CASK: variants seen among roughly 807,000 people sequenced by gnomAD.
The protein encoded by CASK is calcium/calmodulin dependent serine protein kinase, also known as peripheral plasma membrane protein CASK.
In CASK, 4 loss-of-function variants were observed where a neutral mutation model predicts 82.9. The observed-to-expected ratio is 0.05, with a 90% confidence interval of 0.02 to 0.11. The LOEUF (loss-of-function observed/expected upper bound fraction) is 0.11, where lower values mean the gene tolerates loss of function less well. CASK is among the 10% of genes least tolerant of loss of function. CASK has a pLI of 1.00. For synonymous variants in CASK, 259 were observed against 253.5 expected (o/e 1.02, Z -0.20); for missense variants, 358 against 720.9 (o/e 0.50, Z 5.76).
intron 5 of CASK, among the ~76,000 whole-genome samples, chrX:41,699,078 C>G (rs1408129979): frequency 9.1e-6 from 1 of 110,216 alleles, no homozygotes; most frequent in African/African-American, 3.3e-5. Context: ...AGGCGCCCGC[C>G]ACCATGACCG....
intron 8 of CASK, among the ~76,000 whole-genome samples, chrX:41,659,076 G>C (rs2066988382): frequency 9.0e-6 from 1 of 111,065 alleles, no homozygotes; most frequent in Admixed American, 9.5e-5. Context: ...ATCCAACAGA[G>C]AGAGAACTCT....
intron 22 of CASK, among the ~76,000 whole-genome samples, chrX:41,539,083 C>T (rs1204450822): frequency 8.9e-6 from 1 of 111,835 alleles, no homozygotes; most frequent in African/African-American, 3.3e-5. Flanking sequence ...CTGACTTTCA[C>T]ACGTGATGAC....
chrX:41,680,946 G>C (rs747270905), intron 5 of CASK, among the ~76,000 whole-genome samples: 1 of 111,715 alleles, frequency 9.0e-6, no homozygotes, highest in Non-Finnish European at 1.9e-5. Context: ...TAAACCACAA[G>C]TTCAAGCTAA....
chrX:41,713,755 A>G (rs2068019266), intron 5 of CASK, among the ~76,000 whole-genome samples: 1 of 111,855 alleles, frequency 8.9e-6, no homozygotes, highest in South Asian at 3.7e-4. Flanking sequence ...AGGAAAAAGA[A>G]AGGAGAGTCA....
At chrX:41,564,558 C>G (rs781155918) in intron 16 of CASK, among the ~76,000 whole-genome samples, 2 of 111,241 alleles carry the variant, frequency 1.8e-5, no homozygotes, top group Admixed American at 1.9e-4. Flanking sequence ...AAGAATAGGA[C>G]GGGATGTCTA....
rs1179270481 is a variant in CASK at position 41,626,719 on chromosome X, G to A, written c.916-16C>T. 1.0e-6 allele frequency: 1 copy of A among 986,669 alleles called. No homozygotes were observed. The highest frequency in any genetic ancestry group is 1.4e-6 in the Non-Finnish European group (1 of 691,524). The allele number at this position is 986,669 out of a possible 1,213,427, so 81.3% of individuals were successfully genotyped here. ...GTACTGCACCCTAAAACAAAGAGAT[G>A]AAAAAATAGATTATTAAAACAAATA... On this transcript the variant is annotated splice_polypyrimidine_tract_variant and intron_variant, in intron 9 of 26. Transcript: ENST00000378163.
At chrX:41,726,823 G>A (rs756833960) in intron 5 of CASK, 8 of 288,479 alleles carry the variant, frequency 2.8e-5, no homozygotes, top group African/African-American at 1.4e-4. Context: ...TATTTCAACC[G>A]GACAATCGTG....
chrX:41,542,302 C>T (rs761295361), intron 22 of CASK, among the ~76,000 whole-genome samples: 1 of 112,583 alleles, frequency 8.9e-6, no homozygotes, highest in African/African-American at 3.2e-5. Context: ...CTCAGGGCCA[C>T]GCCCAAGGGC....
chrX:41,559,937 G>A, intron 17 of CASK, 90 bp from the exon 18 acceptor site: 1 of 734,453 alleles, frequency 1.4e-6, no homozygotes, highest in Non-Finnish European at 2.1e-6. Flanking sequence ...AACACATGGG[G>A]GCAATTAGCA....
chrX:41,653,455 A>G (rs1008481380), intron 8 of CASK, among the ~76,000 whole-genome samples: 4 of 111,671 alleles, frequency 3.6e-5, no homozygotes, highest in African/African-American at 1.3e-4. Flanking sequence ...TGAAATATTC[A>G]CTCCCTTGGT....
intron 2 of CASK, among the ~76,000 whole-genome samples, chrX:41,850,958 A>G (rs1394655234): frequency 4.5e-5 from 5 of 112,084 alleles, no homozygotes; most frequent in Non-Finnish European, 9.4e-5. Flanking sequence ...CATCGCAAGA[A>G]AAAAAGGTAG....
intron 2 of CASK, among the ~76,000 whole-genome samples, chrX:41,851,153 A>T (rs1032654708): frequency 8.9e-6 from 1 of 112,249 alleles, no homozygotes; most frequent in Non-Finnish European, 1.9e-5. Context: ...ATCCAACTGG[A>T]TGTCATTTAA....
chrX:41,922,812 G>T (rs774687804), intron 1 of CASK, 118 bp downstream of exon 1: 3 of 612,546 alleles, frequency 4.9e-6, no homozygotes, highest in Non-Finnish European at 8.2e-6. Context: ...TGAGAAGGAC[G>T]AGAGGGGAAG....
At chrX:41,896,192 A>G (rs1453579794) in intron 1 of CASK, among the ~76,000 whole-genome samples, 1 of 112,274 alleles carries the variant, frequency 8.9e-6, no homozygotes, top group African/African-American at 3.2e-5. Context: ...CCTATTTAGA[A>G]AAGCTGACTG....
chrX:41,919,008 T>C (rs2072739673), intron 1 of CASK, among the ~76,000 whole-genome samples: 1 of 112,282 alleles, frequency 8.9e-6, no homozygotes, highest in Non-Finnish European at 1.9e-5. Context: ...TTTAAACTAA[T>C]GCAGGCTCTT....
intron 1 of CASK, among the ~76,000 whole-genome samples, chrX:41,861,877 TATATATAGTATAATATATA>T (rs1246523715): frequency 9.8e-6 from 1 of 102,431 alleles, no homozygotes; most frequent in Non-Finnish European, 2.0e-5. Context: ...ATACATACAG[TATATATAGTATAATATATA>T]ATATATAGTA....
chrX:41,736,581 G>A (rs1054001558), intron 5 of CASK, among the ~76,000 whole-genome samples: 3 of 112,345 alleles, frequency 2.7e-5, no homozygotes, highest in African/African-American at 9.7e-5. Flanking sequence ...GCTCTGTGTT[G>A]AGTGTGTCTC....
chrX:41,773,745 T>C (rs989200449), intron 3 of CASK, among the ~76,000 whole-genome samples: 5 of 111,419 alleles, frequency 4.5e-5, no homozygotes, highest in African/African-American at 1.6e-4. Flanking sequence ...AATACATATT[T>C]GGGTATCTAA....
At position 41,766,613 on chromosome X, in the gene CASK, G is replaced by A. The variant is rs768737691; in HGVS notation, c.278+20565C>T. On this transcript the variant is annotated intron_variant, in intron 3 of 26. Transcript: ENST00000378163. ...AAACATTATGCATAAATGGCTAGGC[G>A]CACTGGCTCACGCCTGTAATCCTAG... 1.5e-4 allele frequency among the ~76,000 whole-genome samples: 17 copies of A among 112,150 alleles called. No individual in the cohort carries two copies. The South Asian group carries it at 1.9e-3, about 12-fold the overall frequency.
Sources: gnomAD v4.1 joint callset for allele counts (sites outside exome capture counted in the v4.1 genomes callset) on GRCh38, gnomAD v4.1.1 for gene constraint, MANE v1.5 for transcripts, NCBI Gene and HGNC (gene_info 2026-07-23, HGNC 2026-07-21) for gene names.